FHOD3: variants seen among roughly 807,000 people sequenced by gnomAD.
The protein encoded by FHOD3 is formin homology 2 domain containing 3.
In FHOD3, 90 loss-of-function variants were observed where a neutral mutation model predicts 173.0. The ratio of observed to expected loss-of-function variants is 0.52; its 90% CI spans 0.44 to 0.62. The LOEUF is 0.62. Ranked by LOEUF, FHOD3 falls within the 20% of genes least tolerant of loss-of-function variation. The pLI is 0.00. For synonymous variants in FHOD3, 828 were observed against 823.0 expected (o/e 1.01, Z -0.10); for missense variants, 1,945 against 2,034.7 (o/e 0.96, Z 0.85).
chr18:36,325,281 T>C (rs2044613956), intron 1 of FHOD3, among the ~76,000 whole-genome samples: 1 of 142,486 alleles, frequency 7.0e-6, no homozygotes, highest in South Asian at 2.1e-4. Flanking sequence ...ATGAGATTCA[T>C]TGATTTATAT....
chr18:36,301,147 C>T lies in FHOD3; in HGVS notation c.165+3147C>T, dbSNP rs541011622. On this transcript the variant is annotated intron_variant, in intron 1 of 28. Coordinates refer to ENST00000590592, the MANE Select transcript of FHOD3 (RefSeq NM_001281740.3). Reference sequence around the variant, plus strand: ...AAAGTAAATGTACCTGTGTAGGCAGCGCTGAGAAGGCCCCCTCAGAGGGTC... The same window carrying T: ...AAAGTAAATGTACCTGTGTAGGCAGTGCTGAGAAGGCCCCCTCAGAGGGTC... Among the ~76,000 whole-genome samples, 14 of 152,226 alleles carry T rather than the reference C, an allele frequency of 9.2e-5. No homozygotes were observed. The South Asian group carries it at 1.2e-3, about 14-fold the overall frequency.
At chr18:36,769,005 G>T (rs1600644116) in intron 27 of FHOD3, among the ~76,000 whole-genome samples, 1 of 152,168 alleles carries the variant, frequency 6.6e-6, no homozygotes, top group Non-Finnish European at 1.5e-5. Context: ...ACACAGCTGT[G>T]TTACAGGGTG....
intron 5 of FHOD3, among the ~76,000 whole-genome samples, chr18:36,521,732 G>T (rs1021362992): frequency 5.9e-5 from 9 of 152,134 alleles, no homozygotes; most frequent in Admixed American, 2.6e-4. Flanking sequence ...ACCATGATCT[G>T]TTCTCCTTAG....
chr18:36,766,902 C>T (rs557337544), intron 27 of FHOD3, among the ~76,000 whole-genome samples: 3 of 152,168 alleles, frequency 2.0e-5, no homozygotes, highest in South Asian at 2.1e-4. Context: ...GAAGGTATTT[C>T]GGCATTTTAA....
chr18:36,614,201 A>G (rs539130990), intron 9 of FHOD3, among the ~76,000 whole-genome samples: 3 of 152,140 alleles, frequency 2.0e-5, no homozygotes, highest in Admixed American at 6.5e-5. Flanking sequence ...CCGGTAATCT[A>G]CTTTCTCTCT....
In FHOD3 at chr18:36,755,328, C is replaced by A; in HGVS notation, c.4425+17C>A. 6.5e-7 allele frequency: 1 copy of A among 1,532,728 alleles called. No individual in the cohort carries two copies. The highest frequency in any genetic ancestry group is 1.3e-5 in the South Asian group (1 of 79,456). The allele number at this position is 1,532,728 out of a possible 1,614,324, so 94.9% of individuals were successfully genotyped here. On this transcript the variant is annotated intron_variant, in intron 25 of 28. Coordinates refer to ENST00000590592, the MANE Select transcript of FHOD3 (RefSeq NM_001281740.3). ...ATCACCGATGTAAGTTTCACACAAT[C>A]CCTCTCCTTATGTCATTCGTTTTCA...
At chr18:36,524,411 CA>C (rs1425044383) in intron 5 of FHOD3, among the ~76,000 whole-genome samples, 2 of 152,006 alleles carry the variant, frequency 1.3e-5, no homozygotes, top group Non-Finnish European at 2.9e-5. Context: ...ATGGTGAGGC[CA>C]GGGGCGTAGG....
At chr18:36,326,759 T>C (rs1468925284) in intron 1 of FHOD3, among the ~76,000 whole-genome samples, 4 of 152,158 alleles carry the variant, frequency 2.6e-5, no homozygotes, top group Non-Finnish European at 4.4e-5. Context: ...TCTTTTATTT[T>C]TAAAATATAA....
At chr18:36,663,914 T>C (rs1246211969) in intron 14 of FHOD3, among the ~76,000 whole-genome samples, 2 of 152,200 alleles carry the variant, frequency 1.3e-5, no homozygotes, top group African/African-American at 4.8e-5. Flanking sequence ...CCCATTCTTG[T>C]CTGCTTTGGC....
At chr18:36,505,281 G>A (rs1405643860) in intron 4 of FHOD3, among the ~76,000 whole-genome samples, 1 of 152,254 alleles carries the variant, frequency 6.6e-6, no homozygotes. Context: ...ACAGAATGAA[G>A]CTGTTGGAGA....
intron 9 of FHOD3, among the ~76,000 whole-genome samples, chr18:36,619,517 A>G (rs1019615484): frequency 6.6e-5 from 10 of 152,200 alleles, no homozygotes; most frequent in Non-Finnish European, 1.5e-4. Context: ...TGAAAACAGC[A>G]CTTCTTCTCC....
chr18:36,661,420 A>G (rs946509735), intron 14 of FHOD3, among the ~76,000 whole-genome samples: 1 of 152,202 alleles, frequency 6.6e-6, no homozygotes, highest in Non-Finnish European at 1.5e-5. Context: ...ATTAAAACCA[A>G]AAAGGAACTA....
At position 36,718,130 on chromosome 18, in the gene FHOD3, C is replaced by G. The variant is rs1431830174; in HGVS notation, c.2832C>G (p.Phe944Leu). Residue 944 changes from phenylalanine (F) to leucine (L), a missense_variant, in exon 19 of 29, where the codon TTC becomes TTG. Coordinates refer to ENST00000590592, the MANE Select transcript of FHOD3 (RefSeq NM_001281740.3). The stretch of plus-strand genomic sequence containing the variant: ...GTGTGAAAGCATTTGCTGAGAAATT[C>G]AACAGTGGGGACCTGGGGAGAGGTT... ...RGSVKAFAEK[F>L]NSGDLGRGSI... 1.0e-5 allele frequency: 16 copies of G among 1,603,512 alleles called. No homozygotes were observed. Among genetic ancestry groups the G allele is most frequent in the Non-Finnish European group, 1.4e-5 (16 of 1,174,480 alleles).
At chr18:36,340,970 T>C (rs2145465452) in intron 1 of FHOD3, among the ~76,000 whole-genome samples, 1 of 152,290 alleles carries the variant, frequency 6.6e-6, no homozygotes, top group East Asian at 1.9e-4. Context: ...CTCTAAATGT[T>C]GTTTGCTGAG....
intron 27 of FHOD3, among the ~76,000 whole-genome samples, chr18:36,762,945 ATG>A (rs1013828477): frequency 4.1e-5 from 6 of 147,036 alleles, no homozygotes; most frequent in Non-Finnish European, 9.0e-5. Flanking sequence ...TATATATAAT[ATG>A]TGTATTATAT....
intron 5 of FHOD3, among the ~76,000 whole-genome samples, chr18:36,550,479 GA>G (rs374736597): frequency 3.6e-4 from 54 of 151,574 alleles, no homozygotes; most frequent in African/African-American, 1.2e-3. Flanking sequence ...TTTCTAGGGG[GA>G]AAAAAAGCTT....
rs115956383 is a variant in FHOD3 at position 36,717,247 on chromosome 18, G to T, written c.2534-585G>T. ...CGGGCTAGGAGGTTAGAGAAGAGAG[G>T]GCTATGGAAAGTCACCTTGGAGAGG... On this transcript the variant is annotated intron_variant, in intron 18 of 28. Coordinates refer to ENST00000590592, the MANE Select transcript of FHOD3 (RefSeq NM_001281740.3). Among the ~76,000 whole-genome samples the T allele has an allele frequency of 2.8e-3, 427 of 152,214 alleles. 2 individuals carry two copies. Among genetic ancestry groups the T allele is most frequent in the African/African-American group, 9.5e-3 (393 of 41,526 alleles).
chr18:36,482,417 G>A (rs2053948577), intron 3 of FHOD3, among the ~76,000 whole-genome samples: 1 of 151,612 alleles, frequency 6.6e-6, no homozygotes, highest in Non-Finnish European at 1.5e-5. Flanking sequence ...GGTTATATGA[G>A]GACAAGGGGA....
chr18:36,404,073 G>A (rs990560697), intron 3 of FHOD3, among the ~76,000 whole-genome samples: 4 of 152,164 alleles, frequency 2.6e-5, no homozygotes, highest in African/African-American at 9.7e-5. Flanking sequence ...GGTAACTTAC[G>A]TTCTCCTCTC....
Sources: gnomAD v4.1 joint callset for allele counts (sites outside exome capture counted in the v4.1 genomes callset) on GRCh38, gnomAD v4.1.1 for gene constraint, MANE v1.5 for transcripts, NCBI Gene and HGNC (gene_info 2026-07-23, HGNC 2026-07-21) for gene names.